JADE3: variants seen among roughly 807,000 people sequenced by gnomAD.
The protein encoded by JADE3 is jade family PHD finger 3.
JADE3 carries 2 observed loss-of-function variants against 50.1 expected under a neutral mutation model. The ratio of observed to expected loss-of-function variants is 0.04; its 90% CI spans 0.02 to 0.13. JADE3 has a LOEUF of 0.13. Ranked by LOEUF, JADE3 falls within the 10% of genes least tolerant of loss-of-function variation. The pLI is 1.00. For synonymous variants in JADE3, 218 were observed against 232.9 expected (o/e 0.94, Z 0.58); for missense variants, 475 against 634.4 (o/e 0.75, Z 2.70).
intron 1 of JADE3, among the ~76,000 whole-genome samples, chrX:46,965,334 C>A (rs1319490008): frequency 9.0e-6 from 1 of 111,063 alleles, no homozygotes; most frequent in Non-Finnish European, 1.9e-5. Context: ...AGACTTAGGA[C>A]CAGGGACAAA....
intron 1 of JADE3, among the ~76,000 whole-genome samples, chrX:46,925,069 A>T (rs1437977935): frequency 8.9e-6 from 1 of 111,855 alleles, no homozygotes; most frequent in Non-Finnish European, 1.9e-5. Context: ...GGATATTGCA[A>T]CTTGCACAGT....
At chrX:46,929,839 C>T (rs1799615007) in intron 1 of JADE3, among the ~76,000 whole-genome samples, 1 of 112,078 alleles carries the variant, frequency 8.9e-6, no homozygotes, top group Non-Finnish European at 1.9e-5. Context: ...CTCCATATTG[C>T]TCTGAGTTTG....
At chrX:46,958,888 T>C (rs936336522) in intron 1 of JADE3, among the ~76,000 whole-genome samples, 1 of 111,753 alleles carries the variant, frequency 8.9e-6, no homozygotes, top group Non-Finnish European at 1.9e-5. Flanking sequence ...AGGATGCTTG[T>C]GCTCTACTTC....
chrX:46,922,153 T>C (rs185148964), intron 1 of JADE3, among the ~76,000 whole-genome samples: 1 of 109,004 alleles, frequency 9.2e-6, no homozygotes, highest in Admixed American at 9.9e-5. Flanking sequence ...CTCCCACCCA[T>C]GAATGAGAAC....
chrX:47,058,546 T>C lies in JADE3; in HGVS notation c.1941T>C (p.His647=). The C allele has an allele frequency of 1.7e-6, 2 of 1,209,524 alleles. No homozygotes were observed. Among genetic ancestry groups the C allele is most frequent in the African/African-American group, 1.7e-5 (1 of 57,179 alleles). ...CTCTGGTCCTTCAGGCTGCCCTCCA[T>C]GGACAGTCTTCCATTGGGAATGGGA... ...GKPLVLQAAL[H]GQSSIGNGKS... is the part of the protein sequence containing the mutation. Residue 647 remains histidine, a synonymous_variant, in exon 11 of 11, where the codon CAT becomes CAC. Coordinates refer to ENST00000614628, the MANE Select transcript of JADE3 (RefSeq NM_014735.5).
At chrX:47,005,154 A>G (rs1032016702) in intron 4 of JADE3, among the ~76,000 whole-genome samples, 3 of 111,897 alleles carry the variant, frequency 2.7e-5, no homozygotes, top group Non-Finnish European at 5.6e-5. Context: ...CAAACCAGCA[A>G]AAACAAAAAA....
intron 1 of JADE3, among the ~76,000 whole-genome samples, chrX:46,934,399 A>G (rs1483030044): frequency 3.6e-5 from 4 of 110,240 alleles, no homozygotes; most frequent in African/African-American, 9.9e-5. Context: ...CCCGGGTTCA[A>G]GCGATTCTCC....
intron 1 of JADE3, among the ~76,000 whole-genome samples, chrX:46,938,193 A>G (rs781841758): frequency 1.8e-5 from 2 of 111,821 alleles, no homozygotes; most frequent in African/African-American, 6.5e-5. Context: ...AATTATTGAT[A>G]TGATTGTTTT....
Position 46,927,372 on chromosome X carries a change from G to A in JADE3, c.-12+14653G>A, listed in dbSNP as rs948613757. ...AAATTAAGTAATCTATAAGTGTGGC[G>A]TGTTTGGTAGGCAAGCCTTCAAAAT... On this transcript the variant is annotated intron_variant, in intron 1 of 10. Coordinates refer to ENST00000614628, the MANE Select transcript of JADE3 (RefSeq NM_014735.5). Among the ~76,000 whole-genome samples the A allele has an allele frequency of 3.0e-4, 34 of 111,935 alleles. 1 individual carries two copies. Among genetic ancestry groups the A allele is most frequent in the Non-Finnish European group, 1.3e-4 (7 of 53,228 alleles).
At chrX:47,035,229 G>A (rs1569538261) in intron 7 of JADE3, among the ~76,000 whole-genome samples, 1 of 111,058 alleles carries the variant, frequency 9.0e-6, no homozygotes, top group Non-Finnish European at 1.9e-5. Flanking sequence ...AGTTAATGGG[G>A]AGCTGACATT....
At chrX:47,034,766 A>AT (rs59276816) in intron 7 of JADE3, among the ~76,000 whole-genome samples, 12,320 of 89,031 alleles carry the variant, frequency 0.14, 797 homozygotes, top group African/African-American at 0.16. Context: ...TGCCTGGCTA[A>AT]TTTTTTTTTT....
intron 1 of JADE3, among the ~76,000 whole-genome samples, chrX:46,923,393 C>CTCTTTTTTTTTTTTTTT (rs1556338199): frequency 2.6e-4 from 3 of 11,522 alleles, no homozygotes; most frequent in East Asian, 3.6e-3. Context: ...CTCTCTCTCT[C>CTCTTTTTTTTTTTTTTT]TTTTTTTTTT....
intron 4 of JADE3, among the ~76,000 whole-genome samples, chrX:47,024,177 TGAC>T (rs1281421742): frequency 8.9e-6 from 1 of 112,132 alleles, no homozygotes; most frequent in African/African-American, 3.2e-5. Context: ...CACACTAATG[TGAC>T]GACATTTTAT....
chrX:47,007,646 A>G (rs1212170567), intron 4 of JADE3, among the ~76,000 whole-genome samples: 1 of 111,216 alleles, frequency 9.0e-6, no homozygotes, highest in Admixed American at 9.6e-5. Context: ...TTTTACTTTC[A>G]ACCTACTTAT....
At chrX:46,917,834 C>CT (rs1556336773) in intron 1 of JADE3, among the ~76,000 whole-genome samples, 46 of 42,539 alleles carry the variant, frequency 1.1e-3, no homozygotes, top group South Asian at 1.8e-3. Flanking sequence ...TCTCTCTCAT[C>CT]CTCTCTCTCT....
chrX:47,036,642 A>C (rs781856320), intron 7 of JADE3, among the ~76,000 whole-genome samples: 61 of 99,217 alleles, frequency 6.1e-4, no homozygotes, highest in East Asian at 1.9e-3. Context: ...TCTTGCTGCT[A>C]TAAAGACACA....
At chrX:47,043,088 T>G (rs1308404852) in intron 8 of JADE3, among the ~76,000 whole-genome samples, 2 of 111,775 alleles carry the variant, frequency 1.8e-5, no homozygotes, top group African/African-American at 6.5e-5. Flanking sequence ...TTCCAGATAT[T>G]ACCCAGTAAC....
intron 1 of JADE3, among the ~76,000 whole-genome samples, chrX:46,971,105 GA>G (rs397758961): frequency 5.1e-5 from 4 of 79,170 alleles, no homozygotes; most frequent in Admixed American, 1.8e-4. Flanking sequence ...CTGGGTAGTT[GA>G]AATTTTTTTT....
At position 47,024,771 on chromosome X, in the gene JADE3, A is replaced by C; in HGVS notation, c.332A>C (p.Lys111Thr). 8.3e-7 allele frequency: 1 copy of C among 1,199,317 alleles called. No homozygotes were observed. The highest frequency in any genetic ancestry group is 1.8e-5 in the South Asian group (1 of 55,874). The change falls in exon 5 of 11, where the codon AAG (lysine) becomes ACG (threonine). Residue 111 changes from lysine to threonine, a missense_variant. By Grantham distance (78) the Lys-to-Thr change is moderately conservative (BLOSUM62 -1). Around this residue, in one of 6 missense-constraint regions of JADE3, gnomAD observed 54 missense variants for 51.8 expected, o/e 1.04. Transcript: ENST00000614628. ...VKDVLFIRPR[K>T]YIHCSSPDTT... ...GACGTTCTGTTTATCCGACCCCGGAAGTATATTCACTGCTCCAGCCCAGAC... is the reference window on the plus strand; with the variant it reads ...GACGTTCTGTTTATCCGACCCCGGACGTATATTCACTGCTCCAGCCCAGAC...
Sources: allele counts gnomAD v4.1 joint callset (sites outside exome capture counted in the v4.1 genomes callset), GRCh38; gene constraint gnomAD v4.1.1; regional missense constraint gnomAD v4.1.1; transcripts MANE v1.5; gene names NCBI Gene and HGNC (gene_info 2026-07-23, HGNC 2026-07-21).